Variants in GPC6 observed in about 807,000 individuals in gnomAD.
The protein encoded by GPC6 is glypican 6, also known as glypican-6.
Under a neutral mutation model 55.2 loss-of-function variants are expected in GPC6, and 14 were observed. That is an observed-to-expected ratio of 0.25 (90% CI 0.17 to 0.40). GPC6 has a LOEUF of 0.40. GPC6 is among the 10% of genes least tolerant of loss of function. The probability of loss-of-function intolerance (pLI) is 1.00; values close to 1 mark genes in which losing one functional copy is unlikely to be tolerated. For synonymous variants in GPC6, 278 were observed against 259.6 expected, an observed-to-expected ratio of 1.07 and a Z score of -0.68; for missense variants, 641 against 708.5, an observed-to-expected ratio of 0.90 and a Z score of 1.08.
intron 1 of GPC6, among the ~76,000 whole-genome samples, chr13:93,459,405 G>A (rs1223261156): frequency 1.3e-5 from 2 of 152,110 alleles, no homozygotes; most frequent in African/African-American, 2.4e-5. Context: ...AGTTTTATTT[G>A]CTGTTTAACC....
In GPC6 at chr13:93,292,629, G is replaced by A. The variant is rs1878353462; in HGVS notation, c.160+65013G>A. 2.0e-5 allele frequency among the ~76,000 whole-genome samples: 3 copies of A among 152,092 alleles called. 1 individual carries two copies. The highest frequency in any genetic ancestry group is 4.1e-4 in the South Asian group (2 of 4,830). Reference sequence around the variant, plus strand: ...ATGGGTTGTGAAATTTACACAGAGTGTATTGATGTGTTTGTAATACAAGTA... The same window carrying A: ...ATGGGTTGTGAAATTTACACAGAGTATATTGATGTGTTTGTAATACAAGTA... On this transcript the variant is annotated intron_variant, in intron 1 of 8. Transcript: ENST00000377047.
At chr13:93,490,715 T>C (rs1202670000) in intron 1 of GPC6, among the ~76,000 whole-genome samples, 1 of 113,932 alleles carries the variant, frequency 8.8e-6, no homozygotes, top group African/African-American at 3.3e-5. Context: ...TTCCCCTTCC[T>C]GTGTCCATGT....
At chr13:93,658,765 A>G (rs80085910) in intron 2 of GPC6, among the ~76,000 whole-genome samples, 1 of 151,698 alleles carries the variant, frequency 6.6e-6, no homozygotes, top group Admixed American at 6.6e-5. Flanking sequence ...AATATTAAAA[A>G]CATTAATTTT....
intron 4 of GPC6, among the ~76,000 whole-genome samples, chr13:94,242,830 A>G (rs1337094687): frequency 6.6e-6 from 1 of 152,088 alleles, no homozygotes; most frequent in East Asian, 1.9e-4. Flanking sequence ...AATATTTTAC[A>G]CAGTCTGTTG....
At chr13:93,888,323 T>C (rs994267854) in intron 3 of GPC6, among the ~76,000 whole-genome samples, 1 of 152,168 alleles carries the variant, frequency 6.6e-6, no homozygotes, top group Non-Finnish European at 1.5e-5. Flanking sequence ...TGTTTTTCAT[T>C]ACTGCTGAAT....
intron 1 of GPC6, among the ~76,000 whole-genome samples, chr13:93,234,644 CAATG>C (rs1451496734): frequency 2.0e-5 from 3 of 150,594 alleles, no homozygotes; most frequent in African/African-American, 7.4e-5. Context: ...ATGTGACTGA[CAATG>C]AATAAGGACT....
chr13:93,943,869 T>C (rs1878857160), intron 3 of GPC6, among the ~76,000 whole-genome samples: 1 of 152,198 alleles, frequency 6.6e-6, no homozygotes, highest in East Asian at 1.9e-4. Flanking sequence ...CTCTTTTCTG[T>C]TAATAATTGC....
intron 3 of GPC6, among the ~76,000 whole-genome samples, chr13:93,842,312 GA>G (rs1167598548): frequency 4.6e-5 from 7 of 152,158 alleles, no homozygotes; most frequent in African/African-American, 1.7e-4. Flanking sequence ...CAAACCTTAC[GA>G]TATTCTGCTG....
At chr13:93,435,639 A>G (rs1041893776) in intron 1 of GPC6, among the ~76,000 whole-genome samples, 3 of 152,160 alleles carry the variant, frequency 2.0e-5, no homozygotes, top group African/African-American at 7.2e-5. Context: ...GCTTGCAGAG[A>G]TCCTTGATAA....
chr13:93,530,743 C>G (rs1270461730), intron 1 of GPC6, among the ~76,000 whole-genome samples: 2 of 152,088 alleles, frequency 1.3e-5, no homozygotes, highest in Non-Finnish European at 2.9e-5. Context: ...CTGTCAGTTT[C>G]TAATTATTTT....
chr13:93,438,532 C>T (rs1339532338), intron 1 of GPC6, among the ~76,000 whole-genome samples: 4 of 151,964 alleles, frequency 2.6e-5, no homozygotes, highest in Non-Finnish European at 2.9e-5. Flanking sequence ...TTGCTGCATA[C>T]GTGGTGGAAA....
intron 2 of GPC6, among the ~76,000 whole-genome samples, chr13:93,686,033 G>A (rs568515750): frequency 6.6e-6 from 1 of 152,204 alleles, no homozygotes; most frequent in South Asian, 2.1e-4. Context: ...TGATGTTGAT[G>A]TGCCTTTGTC....
At chr13:93,534,431 A>G (rs1029581049) in intron 1 of GPC6, among the ~76,000 whole-genome samples, 18 of 152,222 alleles carry the variant, frequency 1.2e-4, no homozygotes, top group African/African-American at 4.1e-4. Flanking sequence ...TGTGCATCGC[A>G]AGGTCCCTGA....
At chr13:93,789,738 A>G (rs1400443710) in intron 2 of GPC6, among the ~76,000 whole-genome samples, 1 of 149,464 alleles carries the variant, frequency 6.7e-6, no homozygotes, top group Non-Finnish European at 1.5e-5. Context: ...AGTGGATGGC[A>G]CAGAGGACAA....
chr13:93,298,869 G>A (rs909782227), intron 1 of GPC6, among the ~76,000 whole-genome samples: 5 of 149,864 alleles, frequency 3.3e-5, no homozygotes, highest in Admixed American at 2.0e-4. Flanking sequence ...AATCCCTTCC[G>A]TTGGTACCAC....
intron 2 of GPC6, among the ~76,000 whole-genome samples, chr13:93,745,969 T>C (rs1884383473): frequency 6.6e-6 from 1 of 152,182 alleles, no homozygotes; most frequent in Non-Finnish European, 1.5e-5. Context: ...ATAATGAAAT[T>C]GTCAGCATCA....
intron 2 of GPC6, among the ~76,000 whole-genome samples, chr13:93,666,119 A>G (rs1368049444): frequency 6.6e-6 from 1 of 152,192 alleles, no homozygotes; most frequent in Non-Finnish European, 1.5e-5. Context: ...AGCTTTCCTT[A>G]CTGAATACAT....
intron 2 of GPC6, among the ~76,000 whole-genome samples, chr13:93,668,554 CA>C (rs1881233719): frequency 6.6e-6 from 1 of 151,974 alleles, no homozygotes; most frequent in Non-Finnish European, 1.5e-5. Context: ...AGATGGGACC[CA>C]AATCCAATGA....
chr13:94,172,365 A>T (rs972192919), intron 4 of GPC6, among the ~76,000 whole-genome samples: 4 of 152,202 alleles, frequency 2.6e-5, no homozygotes, highest in Non-Finnish European at 5.9e-5. Context: ...TATTCAGTAT[A>T]TTATTAAATT....
Sources: gnomAD v4.1 joint callset for allele counts (sites outside exome capture counted in the v4.1 genomes callset) on GRCh38, gnomAD v4.1.1 for gene constraint, MANE v1.5 for transcripts, NCBI Gene and HGNC (gene_info 2026-07-23, HGNC 2026-07-21) for gene names.